Variants in TEX9 observed in about 807,000 individuals in gnomAD.
TEX9 encodes the protein testis expressed 9, also known as testis-expressed protein 9.
Under a neutral mutation model 59.6 loss-of-function variants are expected in TEX9, and 74 were observed. The observed-to-expected ratio is 1.24, with a 90% CI of 1.03 to 1.51. The LOEUF is 1.51. Among genes scored for constraint, TEX9 ranks in the 40% most tolerant of loss-of-function variants. The probability of loss-of-function intolerance (pLI) is 0.00; values close to 1 mark genes in which losing one functional copy is unlikely to be tolerated. For synonymous variants in TEX9, 186 were observed against 152.2 expected (o/e 1.22, Z -1.64); for missense variants, 522 against 447.8 (o/e 1.17, Z -1.49).
intron 10 of TEX9, among the ~76,000 whole-genome samples, 181 bp from the exon 11 acceptor site, chr15:56,427,423 CT>C (rs2140288128): frequency 6.6e-6 from 1 of 152,084 alleles, no homozygotes; most frequent in South Asian, 2.1e-4. Context: ...TGGGAAATAC[CT>C]GAGCATGACT....
intron 3 of TEX9, chr15:56,374,314 G>C (rs1357592059): frequency 6.6e-6 from 1 of 152,072 alleles, no homozygotes; most frequent in African/African-American, 2.4e-5. Flanking sequence ...AGCTAGGAAA[G>C]GGGTTGGGGA....
chr15:56,390,126 A>G lies in TEX9; in HGVS notation c.395+726A>G, dbSNP rs1363563712. Among the ~76,000 whole-genome samples, 3 of 151,816 alleles carry G rather than the reference A, an allele frequency of 2.0e-5. 1 individual carries two copies. Among genetic ancestry groups the G allele is most frequent in the African/African-American group, 7.3e-5 (3 of 41,338 alleles). On this transcript the variant is annotated intron_variant, in intron 6 of 12. Coordinates refer to ENST00000352903, the Ensembl canonical transcript of TEX9. ...GGGATGGAAAAAATAGAGTGAAGTG[A>G]TAAGGAACAGAAATTAACTATACAA...
chr15:56,371,028 T>C (rs1190982784), intron 2 of TEX9, among the ~76,000 whole-genome samples: 2 of 152,130 alleles, frequency 1.3e-5, no homozygotes. Context: ...GGCTAATTTT[T>C]GTATTTTTAG....
chr15:56,442,690 A>C (rs188577864), intron 12 of TEX9, among the ~76,000 whole-genome samples: 5 of 152,318 alleles, frequency 3.3e-5, no homozygotes, highest in African/African-American at 1.2e-4. Context: ...CTAAATATTG[A>C]GTACACGTGG....
chr15:56,390,136 G>T (rs2048138232), intron 6 of TEX9, among the ~76,000 whole-genome samples: 1 of 151,564 alleles, frequency 6.6e-6, no homozygotes. Context: ...ATAAGGAACA[G>T]AAATTAACTA....
intron 1 of TEX9, among the ~76,000 whole-genome samples, chr15:56,287,850 G>A (rs1311188238): frequency 6.6e-6 from 1 of 151,994 alleles, no homozygotes; most frequent in Non-Finnish European, 1.5e-5. Flanking sequence ...AAATGACAGG[G>A]TTTCCTTCCT....
chr15:56,299,551 G>A (rs2045293012), intron 1 of TEX9, among the ~76,000 whole-genome samples: 1 of 152,178 alleles, frequency 6.6e-6, no homozygotes, highest in Admixed American at 6.6e-5. Flanking sequence ...TATACCAACT[G>A]GGGTGGCCAA....
chr15:56,400,750 C>T (rs2048726557), intron 9 of TEX9, among the ~76,000 whole-genome samples: 1 of 152,086 alleles, frequency 6.6e-6, no homozygotes, highest in Non-Finnish European at 1.5e-5. Context: ...GTCGGGTTAC[C>T]CACAAAGGGA....
At chr15:56,298,678 T>C (rs1842003627) in intron 1 of TEX9, among the ~76,000 whole-genome samples, 1 of 152,226 alleles carries the variant, frequency 6.6e-6, no homozygotes, top group African/African-American at 2.4e-5. Context: ...TTTCACTTTT[T>C]CAGCGTTCAC....
intron 9 of TEX9, among the ~76,000 whole-genome samples, chr15:56,408,095 C>T (rs1230360161): frequency 1.3e-5 from 2 of 152,208 alleles, no homozygotes; most frequent in African/African-American, 4.8e-5. Flanking sequence ...CTTACATCTA[C>T]CTCCAGTCCT....
chr15:56,394,258 A>G lies in TEX9; in HGVS notation c.654+11A>G, dbSNP rs752590172. On this transcript the variant is annotated intron_variant, in intron 8 of 12. Coordinates refer to ENST00000352903, the Ensembl canonical transcript of TEX9. ...GAATGCAATAAAAAGGTAAGTTTTA[A>G]AAACCTCTTAAAAGGCTCTAATATT... 6.9e-6 allele frequency: 11 copies of G among 1,585,426 alleles called. No homozygotes were observed. The African/African-American group carries it at 1.5e-4, about 22-fold the overall frequency.
the TEX9 span, among the ~76,000 whole-genome samples, chr15:56,457,034 T>C: frequency 6.6e-6 from 1 of 152,202 alleles, no homozygotes; most frequent in Admixed American, 6.5e-5. Context: ...CATACTTTTC[T>C]AGTTGGTTTG....
intron 1 of TEX9, among the ~76,000 whole-genome samples, chr15:56,342,201 T>C (rs1389193361): frequency 6.6e-6 from 1 of 152,176 alleles, no homozygotes; most frequent in Non-Finnish European, 1.5e-5. Context: ...AACTAATCTA[T>C]GCCAGGCGCT....
intron 1 of TEX9, among the ~76,000 whole-genome samples, chr15:56,269,294 G>C (rs189259855): frequency 6.6e-6 from 1 of 151,990 alleles, no homozygotes; most frequent in African/African-American, 2.4e-5. Flanking sequence ...TTGATTTTTT[G>C]AAGGGTTTTT....
At chr15:56,277,435 T>G (rs1214202232) in intron 1 of TEX9, among the ~76,000 whole-genome samples, 1 of 152,234 alleles carries the variant, frequency 6.6e-6, no homozygotes, top group Non-Finnish European at 1.5e-5. Context: ...TAGGAAATCC[T>G]TTCCCCATTG....
chr15:56,379,724 T>G (rs1369807652), intron 3 of TEX9, among the ~76,000 whole-genome samples: 2 of 152,202 alleles, frequency 1.3e-5, no homozygotes, highest in African/African-American at 4.8e-5. Flanking sequence ...GGTGCTCCAG[T>G]GTTGCATGCA....
intron 1 of TEX9, among the ~76,000 whole-genome samples, chr15:56,296,766 C>T (rs1205739153): frequency 2.0e-5 from 3 of 152,158 alleles, no homozygotes; most frequent in Non-Finnish European, 2.9e-5. Flanking sequence ...AATAAGGAAG[C>T]TGTATTATGA....
chr15:56,365,439 C>T, exon 1 of TEX9: 1 of 1,609,394 alleles, frequency 6.2e-7, no homozygotes, highest in Non-Finnish European at 8.5e-7. Flanking sequence ...AACCGCGTCG[C>T]AGTCGCCGAA....
chr15:56,418,343 T>G (rs1204607244), intron 10 of TEX9, among the ~76,000 whole-genome samples: 1 of 151,916 alleles, frequency 6.6e-6, no homozygotes, highest in Non-Finnish European at 1.5e-5. Flanking sequence ...GTTTAATGCT[T>G]CTTTCAAGAG....
Sources: gnomAD v4.1 joint callset for allele counts (sites outside exome capture counted in the v4.1 genomes callset) on GRCh38, gnomAD v4.1.1 for gene constraint, MANE v1.5 for transcripts, NCBI Gene and HGNC (gene_info 2026-07-23, HGNC 2026-07-21) for gene names.